Variants in SPARCL1 observed in about 807,000 individuals in gnomAD.
The protein encoded by SPARCL1 is SPARC like 1.
SPARCL1 carries 52 observed loss-of-function variants against 67.1 expected under a neutral mutation model. The observed-to-expected ratio is 0.78, with a 90% CI of 0.62 to 0.98. The LOEUF (loss-of-function observed/expected upper bound fraction) is 0.98. SPARCL1 is among the 50% of genes least tolerant of loss of function. The probability of loss-of-function intolerance (pLI) is 0.00; values close to 1 mark genes in which losing one functional copy is unlikely to be tolerated. For missense variants in SPARCL1, 717 were observed against 782.4 expected (o/e 0.92, Z 1.00); for synonymous variants, 226 against 267.8 (o/e 0.84, Z 1.52).
At chr4:87,502,449 A>G (rs920498600) in intron 1 of SPARCL1, among the ~76,000 whole-genome samples, 2 of 152,120 alleles carry the variant, frequency 1.3e-5, no homozygotes, top group South Asian at 4.2e-4. Context: ...AGCCTCAAGT[A>G]TCCTCTGTTC....
chr4:87,475,380 T>A (rs1723544803), intron 10 of SPARCL1, among the ~76,000 whole-genome samples: 1 of 152,220 alleles, frequency 6.6e-6, no homozygotes, highest in South Asian at 2.1e-4. Flanking sequence ...CCTGGTTTTC[T>A]TCCTTCATTT....
rs886700477 is a variant in SPARCL1, at chr4:87,482,466, G to A, written c.1626C>T (p.Asn542=). Residue 542 remains asparagine (N), a synonymous_variant, in exon 8 of 11, where the codon AAC becomes AAT. Coordinates refer to ENST00000282470, the MANE Select transcript of SPARCL1 (RefSeq NM_004684.6). The part of the protein sequence containing the change: ...KNILMQLYEA[N]SEHAGYLNEK... ...CATTTAGATAACCAGCGTGTTCAGA[G>A]TTGGCTTCATAAAGCTGCATGAGGA... The A allele has an allele frequency of 6.2e-7, 1 of 1,613,988 alleles. No homozygotes were observed. Among genetic ancestry groups the A allele is most frequent in the East Asian group, 2.2e-5 (1 of 44,888 alleles).
intron 10 of SPARCL1, among the ~76,000 whole-genome samples, chr4:87,478,050 G>T (rs147966141): frequency 1.3e-5 from 2 of 152,072 alleles, no homozygotes; most frequent in African/African-American, 4.8e-5. Context: ...ATATGCATGG[G>T]GGATATTTTA....
intron 1 of SPARCL1, among the ~76,000 whole-genome samples, chr4:87,504,163 G>C (rs1724976714): frequency 8.6e-6 from 1 of 116,336 alleles, no homozygotes; most frequent in Non-Finnish European, 1.9e-5. Context: ...GTGTGTGTGT[G>C]TGTGTGTGTG....
At chr4:87,511,027 G>A (rs1269700196) in intron 1 of SPARCL1, among the ~76,000 whole-genome samples, 3 of 152,158 alleles carry the variant, frequency 2.0e-5, no homozygotes, top group Non-Finnish European at 2.9e-5. Context: ...TCCTGCAAGG[G>A]ATTGAGCAGG....
chr4:87,488,337 T>A (rs941173751), intron 7 of SPARCL1, among the ~76,000 whole-genome samples: 4 of 152,314 alleles, frequency 2.6e-5, no homozygotes, highest in African/African-American at 7.2e-5. Flanking sequence ...TTAGTTTTCC[T>A]TCTAAGAGGC....
At chr4:87,511,719 G>A (rs115096017) in intron 1 of SPARCL1, among the ~76,000 whole-genome samples, 8,315 of 152,072 alleles carry the variant, frequency 0.055, 735 homozygotes, top group African/African-American at 0.19. Context: ...GAAGTGCAGA[G>A]GTTATTGAGG....
intron 10 of SPARCL1, among the ~76,000 whole-genome samples, chr4:87,478,375 T>TTGTG (rs144027566): frequency 1.3e-5 from 2 of 151,434 alleles, no homozygotes; most frequent in Non-Finnish European, 2.9e-5. Context: ...ACTATCATTT[T>TTGTG]TGTGTGTGTG....
intron 7 of SPARCL1, among the ~76,000 whole-genome samples, chr4:87,484,577 G>A (rs1723973935): frequency 6.6e-6 from 1 of 152,040 alleles, no homozygotes; most frequent in Non-Finnish European, 1.5e-5. Flanking sequence ...CTCTTTTTTG[G>A]TTCCCAACTT....
intron 1 of SPARCL1, among the ~76,000 whole-genome samples, chr4:87,504,137 G>T (rs113200774): frequency 0.013 from 799 of 60,300 alleles, 15 homozygotes; most frequent in Non-Finnish European, 0.011. Flanking sequence ...ATTTGGTATT[G>T]TGTGTGTGTG....
chr4:87,491,952 CCCCAAAA>C (rs1352807694), intron 4 of SPARCL1, among the ~76,000 whole-genome samples: 10 of 99,420 alleles, frequency 1.0e-4, no homozygotes, highest in South Asian at 2.9e-4. Flanking sequence ...CCACCCCCCC[CCCCAAAA>C]AAAAAAAAAT....
At chr4:87,484,942 T>C (rs879821057) in intron 7 of SPARCL1, among the ~76,000 whole-genome samples, 2 of 152,150 alleles carry the variant, frequency 1.3e-5, no homozygotes, top group Admixed American at 1.3e-4. Flanking sequence ...CTGAAGTTGC[T>C]TATCAGCTTA....
chr4:87,477,247 A>G (rs1437472481), intron 10 of SPARCL1, among the ~76,000 whole-genome samples: 2 of 152,246 alleles, frequency 1.3e-5, no homozygotes, highest in African/African-American at 4.8e-5. Flanking sequence ...TTGCCTTTTT[A>G]TCAGTCCTTT....
chr4:87,496,092 G>A (rs1468841536), intron 2 of SPARCL1, among the ~76,000 whole-genome samples: 2 of 152,244 alleles, frequency 1.3e-5, no homozygotes, highest in Non-Finnish European at 2.9e-5. Context: ...ATGCATGATG[G>A]GGAAGTTGAA....
chr4:87,493,472 A>G, intron 4 of SPARCL1, 110 bp downstream of exon 4: 2 of 877,404 alleles, frequency 2.3e-6, no homozygotes, highest in South Asian at 2.1e-5. Context: ...TATTTTAGTA[A>G]TGTACTAGTA....
At chr4:87,498,721 T>A (rs1430402451) in intron 2 of SPARCL1, among the ~76,000 whole-genome samples, 1 of 152,200 alleles carries the variant, frequency 6.6e-6, no homozygotes, top group Non-Finnish European at 1.5e-5. Context: ...TTGGACAGCC[T>A]CCCAAGGGTG....
At chr4:87,483,842 T>C (rs1171742299) in intron 7 of SPARCL1, among the ~76,000 whole-genome samples, 3 of 152,386 alleles carry the variant, frequency 2.0e-5, no homozygotes, top group African/African-American at 7.2e-5. Context: ...CGAGTGATTA[T>C]GAGCTTTTTT....
chr4:87,514,714 CA>C (rs1462562325), intron 1 of SPARCL1, among the ~76,000 whole-genome samples: 1 of 152,112 alleles, frequency 6.6e-6, no homozygotes, highest in African/African-American at 2.4e-5. Context: ...ACATATTGAT[CA>C]AAAATAATTT....
At chr4:87,507,659 C>T (rs1213919120) in intron 1 of SPARCL1, among the ~76,000 whole-genome samples, 1 of 152,236 alleles carries the variant, frequency 6.6e-6, no homozygotes, top group Non-Finnish European at 1.5e-5. Flanking sequence ...ATCAACTCTG[C>T]AGCAGGCACC....
Sources: allele counts gnomAD v4.1 joint callset (sites outside exome capture counted in the v4.1 genomes callset), GRCh38; gene constraint gnomAD v4.1.1; transcripts MANE v1.5; gene names NCBI Gene and HGNC (gene_info 2026-07-23, HGNC 2026-07-21).